DENND4A: variants seen among roughly 807,000 people sequenced by gnomAD.
DENND4A encodes C-myc promoter-binding protein.
In DENND4A, 70 loss-of-function variants were observed where a neutral mutation model predicts 199.3. The ratio of observed to expected loss-of-function variants is 0.35; its 90% confidence interval spans 0.29 to 0.43. DENND4A has a LOEUF of 0.43. Among genes scored for constraint, DENND4A ranks in the 20% least tolerant of loss-of-function variants. DENND4A has a pLI of 1.00. For synonymous variants in DENND4A, 686 were observed against 766.9 expected, an observed-to-expected ratio of 0.89 and a Z score of 1.74; for missense variants, 1,723 against 2,255.8, an observed-to-expected ratio of 0.76 and a Z score of 4.78.
At chr15:65,757,413 T>C (rs1051034084) in intron 2 of DENND4A, among the ~76,000 whole-genome samples, 3 of 151,974 alleles carry the variant, frequency 2.0e-5, no homozygotes, top group African/African-American at 4.8e-5. Context: ...ATTAAAAGCA[T>C]GGGAGATAAG....
rs1297307033 is a variant in DENND4A, at chr15:65,729,188, T to G, written c.1371A>C (p.Ala457=). 1 of 1,588,910 alleles carries G rather than the reference T, an allele frequency of 6.3e-7. No homozygotes were observed. The highest frequency in any genetic ancestry group is 1.2e-5 in the South Asian group (1 of 86,956). ...PYVPLCPLAL[A]DVLSAPCPFI... The stretch of plus-strand genomic sequence containing the variant: ...ATGGACATGGTGCACTCAAGACATC[T>G]GCTAAAGCCAGTGGGCAGAGAGGAA... Residue 457 remains alanine, a synonymous_variant, in exon 11 of 33, where the codon GCA becomes GCC. Transcript: ENST00000443035.
At chr15:65,718,736 CAA>C (rs2075495837) in intron 12 of DENND4A, among the ~76,000 whole-genome samples, 1 of 133,728 alleles carries the variant, frequency 7.5e-6, no homozygotes, top group Non-Finnish European at 1.6e-5. Flanking sequence ...CCCTTTCCCT[CAA>C]AAGTTTTGCA....
At chr15:65,713,463 C>T (rs28817420) in intron 14 of DENND4A, among the ~76,000 whole-genome samples, 30,142 of 152,096 alleles carry the variant, frequency 0.2, 4,009 homozygotes, top group East Asian at 0.73. Flanking sequence ...TTGATTAAAA[C>T]GGCATTTGCC....
chr15:65,765,881 G>T (rs1323609686), intron 1 of DENND4A, among the ~76,000 whole-genome samples: 4 of 152,158 alleles, frequency 2.6e-5, no homozygotes, highest in African/African-American at 9.7e-5. Context: ...CCTGTGGAGT[G>T]GTATATTTTT....
At chr15:65,744,476 G>A (rs529521938) in intron 4 of DENND4A, among the ~76,000 whole-genome samples, 8 of 152,008 alleles carry the variant, frequency 5.3e-5, no homozygotes, top group Non-Finnish European at 8.8e-5. Context: ...CCTCCATGGG[G>A]TATCAACTCA....
intron 14 of DENND4A, among the ~76,000 whole-genome samples, chr15:65,714,892 A>G (rs920250749): frequency 6.6e-6 from 1 of 151,220 alleles, no homozygotes; most frequent in Non-Finnish European, 1.5e-5. Context: ...CTCTCTCTCC[A>G]CCCTATTTAG....
chr15:65,674,223 T>C (rs2076301446), intron 24 of DENND4A, among the ~76,000 whole-genome samples: 1 of 152,176 alleles, frequency 6.6e-6, no homozygotes, highest in Non-Finnish European at 1.5e-5. Flanking sequence ...AAATATCACT[T>C]AAAAGTATGA....
intron 4 of DENND4A, among the ~76,000 whole-genome samples, chr15:65,746,033 C>T (rs1351065175): frequency 6.6e-6 from 1 of 151,244 alleles, no homozygotes; most frequent in East Asian, 1.9e-4. Flanking sequence ...CCCAGCTACG[C>T]AGGAGGCTGA....
chr15:65,696,145 T>C (rs1251032502), intron 22 of DENND4A, among the ~76,000 whole-genome samples: 1 of 152,138 alleles, frequency 6.6e-6, no homozygotes, highest in Non-Finnish European at 1.5e-5. Flanking sequence ...AAAGATAGTA[T>C]ACAAGCTGGA....
chr15:65,765,519 C>T (rs527578596), intron 1 of DENND4A, among the ~76,000 whole-genome samples: 9 of 152,328 alleles, frequency 5.9e-5, no homozygotes, highest in East Asian at 1.9e-4. Context: ...CAAATGGTAA[C>T]ATCTTGCAAA....
At chr15:65,779,436 AGACT>A (rs1316687481) in intron 1 of DENND4A, among the ~76,000 whole-genome samples, 1 of 146,296 alleles carries the variant, frequency 6.8e-6, no homozygotes, top group Non-Finnish European at 1.5e-5. Context: ...AGATAGAGTG[AGACT>A]CTGTCTCAAA....
intron 29 of DENND4A, among the ~76,000 whole-genome samples, 170 bp downstream of exon 29, chr15:65,667,279 G>C (rs147032918): frequency 6.6e-6 from 1 of 152,156 alleles, no homozygotes; most frequent in Non-Finnish European, 1.5e-5. Context: ...GCAGTGAGCC[G>C]AGATAGTGCC....
In DENND4A at chr15:65,696,386, T is replaced by G; in HGVS notation, c.3062A>C (p.Lys1021Thr). Reference protein sequence around the residue: ...LTGTSNNSAGKISGESMESTP... With the variant: ...LTGTSNNSAGTISGESMESTP... ...CTTACCCATGCTTTCTCCTGATATT[T>G]TACCAGCACTGTTGTTACTTGTACC... Residue 1021 changes from lysine to threonine, a missense_variant, in exon 22 of 33, where the codon AAA becomes ACA. Lys to Thr is a moderately conservative substitution (Grantham distance 78, BLOSUM62 -1). This residue lies in a region of DENND4A where 650 missense variants were observed against 738.1 expected (regional missense o/e 0.88). Transcript: ENST00000443035. 1.2e-6 allele frequency: 2 copies of G among 1,612,316 alleles called. No individual in the cohort carries two copies. Among genetic ancestry groups the G allele is most frequent in the South Asian group, 2.2e-5 (2 of 90,990 alleles).
intron 1 of DENND4A, among the ~76,000 whole-genome samples, chr15:65,774,756 G>A (rs549781270): frequency 6.6e-6 from 1 of 151,574 alleles, no homozygotes; most frequent in South Asian, 2.1e-4. Context: ...ATTTCAGAAT[G>A]ACATTGATTT....
chr15:65,790,071 G>A (rs1473466333), intron 1 of DENND4A, among the ~76,000 whole-genome samples: 1 of 152,052 alleles, frequency 6.6e-6, no homozygotes, highest in Non-Finnish European at 1.5e-5. Flanking sequence ...ATTAATCCCA[G>A]CTAATTTTAT....
chr15:65,693,521 G>A (rs962714502), intron 22 of DENND4A, among the ~76,000 whole-genome samples: 1 of 151,810 alleles, frequency 6.6e-6, no homozygotes, highest in Admixed American at 6.6e-5. Flanking sequence ...TGATATACTA[G>A]CCTTTTCTCA....
rs372043519 is a variant in DENND4A, at chr15:65,691,296, T to G, written c.3298A>C (p.Ile1100Leu). ...RINQEATPGD[I>L]VEKLGADAKI... is the part of the protein sequence containing the mutation. ...GCATCAGCTCCCAATTTTTCAACTA[T>G]ATCTCCAGGGGTTGCTTCCTGGTTA... The change falls in exon 23 of 33, where the codon ATA becomes CTA. Residue 1100 changes from isoleucine to leucine, a missense_variant. Around this residue, in one of 6 missense-constraint regions of DENND4A, gnomAD observed 650 missense variants for 738.1 expected, o/e 0.88. Coordinates refer to ENST00000443035, the MANE Select transcript of DENND4A (RefSeq NM_001320835.1). 71 of 1,613,250 alleles carry G rather than the reference T, an allele frequency of 4.4e-5. No individual in the cohort carries two copies. In the Middle Eastern group the frequency reaches 6.6e-4, roughly 15 times the overall value.
At chr15:65,783,433 G>C (rs2077485144) in intron 1 of DENND4A, among the ~76,000 whole-genome samples, 1 of 152,152 alleles carries the variant, frequency 6.6e-6, no homozygotes, top group Non-Finnish European at 1.5e-5. Flanking sequence ...CCTCAATATA[G>C]ATACAGATAA....
chr15:65,778,127 A>G (rs1487485013), intron 1 of DENND4A, among the ~76,000 whole-genome samples: 2 of 152,222 alleles, frequency 1.3e-5, no homozygotes, highest in Non-Finnish European at 2.9e-5. Flanking sequence ...ACAATATTCT[A>G]TAAATCCAAC....
Sources: allele counts gnomAD v4.1 joint callset (sites outside exome capture counted in the v4.1 genomes callset), GRCh38; gene constraint gnomAD v4.1.1; regional missense constraint gnomAD v4.1.1; transcripts MANE v1.5; gene names NCBI Gene and HGNC (gene_info 2026-07-23, HGNC 2026-07-21).